TRAPPC11: variants seen among roughly 807,000 people sequenced by gnomAD.
The protein encoded by TRAPPC11 is trafficking protein particle complex subunit 11.
Under a neutral mutation model 151.2 loss-of-function variants are expected in TRAPPC11, and 104 were observed. That is an observed-to-expected ratio of 0.69 (90% CI 0.59 to 0.81). TRAPPC11 has a LOEUF of 0.81. Among genes scored for constraint, TRAPPC11 ranks in the 30% least tolerant of loss-of-function variants. The pLI is 0.00. For missense variants in TRAPPC11, 1,230 were observed against 1,349.6 expected, an observed-to-expected ratio of 0.91 and a Z score of 1.39; for synonymous variants, 456 against 472.3, an observed-to-expected ratio of 0.97 and a Z score of 0.45.
chr4:183,668,425 A>G (rs1327220879), intron 5 of TRAPPC11, among the ~76,000 whole-genome samples: 1 of 152,246 alleles, frequency 6.6e-6, no homozygotes, highest in Non-Finnish European at 1.5e-5. Context: ...AAATGTGCTC[A>G]TATGATACAC....
chr4:183,677,252 G>A (rs573387255), intron 7 of TRAPPC11, among the ~76,000 whole-genome samples: 57 of 152,262 alleles, frequency 3.7e-4, no homozygotes, highest in Non-Finnish European at 7.1e-4. Context: ...CAACGCACAT[G>A]TCATGGTTCT....
At chr4:183,682,017 GAAA>G (rs1039152656) in intron 10 of TRAPPC11, among the ~76,000 whole-genome samples, 1 of 152,126 alleles carries the variant, frequency 6.6e-6, no homozygotes, top group African/African-American at 2.4e-5. Context: ...AAGCAGCCAT[GAAA>G]AATAATGTTT....
At chr4:183,663,740 T>G in intron 1 of TRAPPC11, 107 bp from the exon 2 acceptor site, 10 of 491,214 alleles carry the variant, frequency 2.0e-5, no homozygotes, top group Non-Finnish European at 1.1e-5. Flanking sequence ...TGAGTTGTTT[T>G]TTTTTTTTTT....
At chr4:183,701,924 CAT>C in intron 26 of TRAPPC11, 116 bp downstream of exon 26, 1 of 733,974 alleles carries the variant, frequency 1.4e-6, no homozygotes, top group Non-Finnish European at 2.3e-6. Flanking sequence ...GAGCAGAAGT[CAT>C]GTGGATATGA....
chr4:183,665,383 C>T (rs1399631992), intron 2 of TRAPPC11, among the ~76,000 whole-genome samples: 6 of 152,090 alleles, frequency 3.9e-5, no homozygotes, highest in Admixed American at 2.0e-4. Flanking sequence ...CGTGAGCCAC[C>T]GTGCCAGGCC....
intron 20 of TRAPPC11, 45 bp from the exon 21 acceptor site, chr4:183,693,544 T>A (rs756702573): frequency 1.3e-6 from 2 of 1,561,168 alleles, no homozygotes; most frequent in Non-Finnish European, 1.7e-6. Context: ...ATAATTTATT[T>A]GCTTTTTTTT....
rs1168569485 is a variant in TRAPPC11, at chr4:183,666,497, G to A, written c.374+71G>A. 4.1e-6 allele frequency: 6 copies of A among 1,465,838 alleles called. No individual in the cohort carries two copies. The African/African-American group carries it at 8.8e-5, about 22-fold the overall frequency. The allele number at this position is 1,465,838 out of a possible 1,614,324, so 90.8% of individuals were successfully genotyped here. ...TGTTATTCACTAACATTCCTTGAAG[G>A]CAATGGAGTACCGTTCAGACTGCAG... On this transcript the variant is annotated intron_variant, in intron 3 of 29. Coordinates refer to ENST00000334690, the MANE Select transcript of TRAPPC11 (RefSeq NM_021942.6).
intron 22 of TRAPPC11, 85 bp from the exon 23 acceptor site, chr4:183,694,519 A>G (rs1387666151): frequency 3.1e-5 from 42 of 1,365,016 alleles, no homozygotes; most frequent in Non-Finnish European, 4.3e-5. Flanking sequence ...AATAAACTCT[A>G]GAAGGTGGGA....
At chr4:183,708,620 A>C in intron 29 of TRAPPC11, 46 bp downstream of exon 29, 1 of 1,555,944 alleles carries the variant, frequency 6.4e-7, no homozygotes, top group Non-Finnish European at 8.8e-7. Flanking sequence ...AGTCTTAAAA[A>C]CAAACAGACT....
At chr4:183,668,572 A>G (rs1346319471) in intron 5 of TRAPPC11, among the ~76,000 whole-genome samples, 2 of 152,130 alleles carry the variant, frequency 1.3e-5, no homozygotes, top group East Asian at 1.9e-4. Flanking sequence ...AGTGACATGT[A>G]TGTCCTTTTT....
intron 11 of TRAPPC11, among the ~76,000 whole-genome samples, chr4:183,683,639 C>T (rs1050829097): frequency 2.6e-5 from 4 of 152,104 alleles, no homozygotes; most frequent in African/African-American, 9.7e-5. Flanking sequence ...CCAGCCTGGG[C>T]AACAGAGTGA....
intron 11 of TRAPPC11, among the ~76,000 whole-genome samples, chr4:183,683,532 T>C (rs1735803581): frequency 6.6e-6 from 1 of 151,884 alleles, no homozygotes; most frequent in Non-Finnish European, 1.5e-5. Flanking sequence ...CATAGTGGCA[T>C]GTGCCTGTAG....
In TRAPPC11 at chr4:183,701,258, T is replaced by G. The variant is rs1443141344; in HGVS notation, c.2852-439T>G. 3 of 155,804 alleles carry G rather than the reference T, an allele frequency of 1.9e-5. No homozygotes were observed. The East Asian group carries it at 5.6e-4, about 29-fold the overall frequency. The allele number at this position is 155,804 out of a possible 1,614,324, so 9.7% of individuals were successfully genotyped here. A position where few individuals can be genotyped will look rare whatever the true frequency, so the allele number is the denominator to read the frequency against. On this transcript the variant is annotated intron_variant, in intron 25 of 29. Coordinates refer to ENST00000334690, the MANE Select transcript of TRAPPC11 (RefSeq NM_021942.6). ...TTAGGGATGGTCAACCTGTATATGTTTACTCAGAGAAAGCCACAATTTTCT... is the reference window on the plus strand; with the variant it reads ...TTAGGGATGGTCAACCTGTATATGTGTACTCAGAGAAAGCCACAATTTTCT...
chr4:183,712,579 T>G (rs766801239), intron 29 of TRAPPC11, 21 bp from the exon 30 acceptor site: 1 of 1,613,178 alleles, frequency 6.2e-7, no homozygotes, highest in East Asian at 2.2e-5. Flanking sequence ...GTAAACCCAC[T>G]TTGTTTTTCC....
intron 1 of TRAPPC11, 91 bp from the exon 2 acceptor site, chr4:183,663,754 TTG>T: frequency 1.3e-4 from 68 of 519,850 alleles, no homozygotes; most frequent in South Asian, 3.8e-4. Context: ...TTTTTTTTTT[TTG>T]AGACAGAGTT....
intron 8 of TRAPPC11, among the ~76,000 whole-genome samples, chr4:183,677,861 G>T (rs1451888892): frequency 2.0e-5 from 3 of 151,984 alleles, no homozygotes; most frequent in Non-Finnish European, 4.4e-5. Flanking sequence ...GAGTTTTAAA[G>T]GATAAAATTA....
chr4:183,661,434 C>T (rs867813040), intron 1 of TRAPPC11, among the ~76,000 whole-genome samples: 19 of 137,028 alleles, frequency 1.4e-4, no homozygotes, highest in South Asian at 1.1e-3. Flanking sequence ...TGCAGTGGCG[C>T]GATCTCCGCT....
intron 5 of TRAPPC11, among the ~76,000 whole-genome samples, chr4:183,672,030 C>T (rs1435272859): frequency 6.6e-6 from 1 of 152,208 alleles, no homozygotes; most frequent in Admixed American, 6.5e-5. Flanking sequence ...TAGCTCAAAA[C>T]AAGTTGATCA....
At chr4:183,686,994 C>T (rs1736009344) in intron 18 of TRAPPC11, among the ~76,000 whole-genome samples, 2 of 152,100 alleles carry the variant, frequency 1.3e-5, no homozygotes, top group African/African-American at 4.8e-5. Flanking sequence ...GCCTGGCCAA[C>T]ATGGTGAAAC....
Sources: allele counts gnomAD v4.1 joint callset (sites outside exome capture counted in the v4.1 genomes callset), GRCh38; gene constraint gnomAD v4.1.1; transcripts MANE v1.5; gene names NCBI Gene and HGNC (gene_info 2026-07-23, HGNC 2026-07-21).